Variants in UTS2 observed in about 807,000 individuals in gnomAD.
UTS2 encodes the protein urotensin 2, also known as urotensin-2.
UTS2 carries 10 observed loss-of-function variants against 12.6 expected under a neutral mutation model. The observed-to-expected ratio is 0.80, with a 90% CI of 0.49 to 1.35. UTS2 has a LOEUF of 1.35. UTS2 is among the 40% of genes most tolerant of loss of function. The probability of loss-of-function intolerance (pLI) is 0.00; values close to 1 mark genes in which losing one functional copy is unlikely to be tolerated. For missense variants in UTS2, 142 were observed against 143.2 expected (o/e 0.99, Z 0.04); for synonymous variants, 52 against 50.0 (o/e 1.04, Z -0.17).
the UTS2 span, among the ~76,000 whole-genome samples, chr1:7,865,761 C>T: frequency 6.6e-6 from 1 of 152,056 alleles, no homozygotes; most frequent in Non-Finnish European, 1.5e-5. Flanking sequence ...AGGGAGACCC[C>T]ATCTCTACAA....
At chr1:7,866,103 C>T in the UTS2 span, among the ~76,000 whole-genome samples, 2 of 152,184 alleles carry the variant, frequency 1.3e-5, no homozygotes, top group African/African-American at 2.4e-5. The surrounding 1 kb of genome is among the most constrained non-coding windows in gnomAD (Gnocchi z 4.5). Flanking sequence ...TTGGAGGAAC[C>T]GTCATGGTCG....
chr1:7,893,994 C>A, the UTS2 span, among the ~76,000 whole-genome samples: 1 of 152,156 alleles, frequency 6.6e-6, no homozygotes, highest in Non-Finnish European at 1.5e-5. Context: ...CCGTGCCAAG[C>A]TCTCTCTGCC....
At chr1:7,864,657 C>A in the UTS2 span, among the ~76,000 whole-genome samples, 12 of 152,226 alleles carry the variant, frequency 7.9e-5, no homozygotes, top group Admixed American at 2.0e-4. Flanking sequence ...TCCTAAAAAT[C>A]ATGTACTGTC....
the UTS2 span, among the ~76,000 whole-genome samples, chr1:7,890,116 C>G: frequency 7.4e-6 from 1 of 135,620 alleles, no homozygotes; most frequent in African/African-American, 3.0e-5. Flanking sequence ...ACAGAGCGAG[C>G]CTCCATCTAA....
chr1:7,862,980 ATTGTGTTGTG>A, the UTS2 span, among the ~76,000 whole-genome samples: 4 of 53,314 alleles, frequency 7.5e-5, no homozygotes, highest in African/African-American at 1.7e-4. Context: ...GCCGTTATTT[ATTGTGTTGTG>A]TTGTATTGTA....
the UTS2 span, among the ~76,000 whole-genome samples, chr1:7,861,982 G>A: frequency 6.0e-4 from 90 of 150,820 alleles, no homozygotes; most frequent in Non-Finnish European, 7.4e-4. Flanking sequence ...GCACAATCTC[G>A]GCTCACTGCA....
At chr1:7,861,975 C>T in the UTS2 span, among the ~76,000 whole-genome samples, 1 of 151,094 alleles carries the variant, frequency 6.6e-6, no homozygotes, top group African/African-American at 2.4e-5. Context: ...TGCAGTGGCA[C>T]AATCTCGGCT....
chr1:7,903,010 TCTTC>T, the UTS2 span, among the ~76,000 whole-genome samples: 4 of 66,706 alleles, frequency 6.0e-5, no homozygotes, highest in African/African-American at 3.9e-4. Flanking sequence ...CCTCCTTCCC[TCTTC>T]CCCTCCTTCC....
chr1:7,884,302 A>ATT, the UTS2 span, among the ~76,000 whole-genome samples: 5,855 of 140,106 alleles, frequency 0.042, 261 homozygotes, highest in African/African-American at 0.1. Context: ...ATAACATCTG[A>ATT]TTTTTTTTTT....
At chr1:7,907,122 G>T in the UTS2 span, among the ~76,000 whole-genome samples, 1 of 152,152 alleles carries the variant, frequency 6.6e-6, no homozygotes, top group South Asian at 2.1e-4. Flanking sequence ...CAGGTGTGGT[G>T]GTGCGCGCTT....
At chr1:7,872,405 G>A in the UTS2 span, among the ~76,000 whole-genome samples, 3 of 151,470 alleles carry the variant, frequency 2.0e-5, no homozygotes, top group African/African-American at 7.3e-5. Flanking sequence ...TAGGCCTCTT[G>A]TACCAGTTAG....
chr1:7,880,325 T>TA, the UTS2 span, among the ~76,000 whole-genome samples: 3 of 138,746 alleles, frequency 2.2e-5, no homozygotes, highest in Admixed American at 8.0e-5. Flanking sequence ...AATAGAGACT[T>TA]AAAAAATCAC....
intron 3 of UTS2, 65 bp downstream of exon 3, chr1:7,849,575 A>C: frequency 7.2e-7 from 1 of 1,393,676 alleles, no homozygotes; most frequent in South Asian, 1.2e-5. Context: ...ATGAATTCAG[A>C]GTCCTGTAAA....
At chr1:7,906,473 A>AAGAAAGAAAGAAAGAAAGAAAG in the UTS2 span, among the ~76,000 whole-genome samples, 33 of 148,392 alleles carry the variant, frequency 2.2e-4, no homozygotes, top group African/African-American at 7.8e-4. Flanking sequence ...GAAAGAAAGA[A>AAGAAAGAAAGAAAGAAAGAAAG]AGAAAGAAAG....
At chr1:7,909,144 C>T in the UTS2 span, among the ~76,000 whole-genome samples, 2 of 152,262 alleles carry the variant, frequency 1.3e-5, no homozygotes, top group Middle Eastern at 3.4e-3. Context: ...TCAATTACCT[C>T]CCACCAGGTC....
chr1:7,889,619 A>G, the UTS2 span, among the ~76,000 whole-genome samples: 1 of 152,148 alleles, frequency 6.6e-6, no homozygotes. Flanking sequence ...AGCCTGGCCA[A>G]CATGGCAAAA....
At chr1:7,905,302 C>A in the UTS2 span, among the ~76,000 whole-genome samples, 1 of 151,780 alleles carries the variant, frequency 6.6e-6, no homozygotes. Context: ...TATGTCACCA[C>A]GCCCGTCTAA....
At chr1:7,874,287 C>T in the UTS2 span, among the ~76,000 whole-genome samples, 11 of 152,146 alleles carry the variant, frequency 7.2e-5, no homozygotes, top group Non-Finnish European at 8.8e-5. Context: ...TATAGAGAGC[C>T]GCCTGCATTG....
At chr1:7,879,630 A>C in the UTS2 span, among the ~76,000 whole-genome samples, 1 of 152,142 alleles carries the variant, frequency 6.6e-6, no homozygotes, top group Non-Finnish European at 1.5e-5. Flanking sequence ...AGTTCTAGCT[A>C]CTTGGGTGGC....
Sources: allele counts gnomAD v4.1 joint callset (sites outside exome capture counted in the v4.1 genomes callset), GRCh38; gene constraint gnomAD v4.1.1; non-coding constraint Gnocchi (gnomAD v3.1); transcripts MANE v1.5; gene names NCBI Gene and HGNC (gene_info 2026-07-23, HGNC 2026-07-21).